The following BTAF1 variants were observed in gnomAD, a reference collection of about 807,000 sequenced individuals.
BTAF1 encodes the protein B-TFIID TATA-box binding protein associated factor 1, also known as TATA-binding protein-associated factor 172.
A neutral mutation model predicts 227.1 loss-of-function variants in BTAF1; 38 were observed. The observed-to-expected ratio is 0.17, with a 90% confidence interval of 0.13 to 0.22. The LOEUF (loss-of-function observed/expected upper bound fraction) is 0.22. BTAF1 is among the 10% of genes least tolerant of loss of function. The pLI is 1.00. For missense variants in BTAF1, 1,598 were observed against 2,204.0 expected (o/e 0.73, Z 5.51); for synonymous variants, 742 against 751.9 (o/e 0.99, Z 0.21).
chr10:92,021,896 A>G (rs1218264807), intron 34 of BTAF1, among the ~76,000 whole-genome samples: 1 of 152,226 alleles, frequency 6.6e-6, no homozygotes, highest in African/African-American at 2.4e-5. Flanking sequence ...TCAAAATGGT[A>G]AAACATCTAG....
At chr10:91,956,205 A>G (rs1846073991) in intron 6 of BTAF1, among the ~76,000 whole-genome samples, 1 of 152,190 alleles carries the variant, frequency 6.6e-6, no homozygotes, top group African/African-American at 2.4e-5. Flanking sequence ...TGCAGGTTAT[A>G]TGCAGGTTAT....
chr10:91,955,977 G>A (rs1846059116), intron 6 of BTAF1, among the ~76,000 whole-genome samples: 1 of 152,144 alleles, frequency 6.6e-6, no homozygotes. Context: ...AAAGTAGTTT[G>A]ACTTGTCCTC....
At chr10:91,983,061 A>G (rs142237113) in intron 18 of BTAF1, among the ~76,000 whole-genome samples, 1 of 152,346 alleles carries the variant, frequency 6.6e-6, no homozygotes, top group East Asian at 1.9e-4. Context: ...ATGTGAAAGT[A>G]GTCCAGAAAC....
At chr10:92,023,432 AATC>A (rs1440329008) in intron 34 of BTAF1, among the ~76,000 whole-genome samples, 1 of 152,138 alleles carries the variant, frequency 6.6e-6, no homozygotes, top group Non-Finnish European at 1.5e-5. Context: ...TCACGCCTGT[AATC>A]CCAGCACTTT....
intron 18 of BTAF1, among the ~76,000 whole-genome samples, chr10:91,983,686 C>G (rs1459862762): frequency 6.6e-6 from 1 of 152,176 alleles, no homozygotes; most frequent in African/African-American, 2.4e-5. Context: ...TCATGGCTCA[C>G]CACTGAGGCC....
At chr10:91,952,452 A>T (rs1845835651) in intron 5 of BTAF1, among the ~76,000 whole-genome samples, 1 of 152,146 alleles carries the variant, frequency 6.6e-6, no homozygotes, top group East Asian at 1.9e-4. Flanking sequence ...GTGAGATATT[A>T]CATCTCAAGC....
chr10:91,946,415 T>C (rs1845369659), intron 4 of BTAF1, among the ~76,000 whole-genome samples: 1 of 152,236 alleles, frequency 6.6e-6, no homozygotes, highest in Non-Finnish European at 1.5e-5. Context: ...AGTTTTTGTT[T>C]GGACATATGT....
chr10:91,981,402 T>C (rs1242311859), intron 15 of BTAF1, among the ~76,000 whole-genome samples: 3 of 152,202 alleles, frequency 2.0e-5, no homozygotes, highest in African/African-American at 7.2e-5. Context: ...AGGCATGTTT[T>C]TTTAAAAAGA....
At position 91,980,491 on chromosome 10, in the gene BTAF1, T is replaced by C. The variant is rs200555889; in HGVS notation, c.1688T>C (p.Met563Thr). ...TGGCTTATACCTATACTGCCTGATA[T>C]GCTCCGACACATTTTTCAGTTCTGT... ...SSWLIPILPD[M>T]LRHIFQFCVL... The change falls in exon 15 of 38, where the codon ATG becomes ACG. Residue 563 changes from methionine to threonine, a missense_variant. Met to Thr is a moderately conservative substitution (Grantham distance 81, BLOSUM62 -1). Around this residue, in one of 10 missense-constraint regions of BTAF1, gnomAD observed 318 missense variants for 435.0 expected, o/e 0.73. Transcript: ENST00000265990. 7.7e-5 allele frequency: 125 copies of C among 1,613,188 alleles called. No individual in the cohort carries two copies. The highest frequency in any genetic ancestry group is 1.5e-5 in the Non-Finnish European group (18 of 1,179,462).
intron 34 of BTAF1, among the ~76,000 whole-genome samples, chr10:92,022,937 G>A (rs1486686644): frequency 2.0e-5 from 3 of 152,134 alleles, no homozygotes; most frequent in Non-Finnish European, 4.4e-5. Flanking sequence ...AGGGCTGTTA[G>A]GTAGAAGAAT....
rs771940365 is a variant in BTAF1 at position 92,011,395 on chromosome 10, C to A, written c.4291C>A (p.Leu1431Ile). ...ACTGACTGCTAATTATAGGATTATT[C>A]TTTCTGGAACACCAATCCAGGTAAT... ...KQLTANYRIILSGTPIQNNVL... is the reference protein window; with the variant it reads ...KQLTANYRIIISGTPIQNNVL... The change falls in exon 30 of 38, where the codon CTT (leucine) becomes ATT (isoleucine). Residue 1431 changes from leucine (L) to isoleucine (I), a missense_variant. Around this residue, in one of 10 missense-constraint regions of BTAF1, gnomAD observed 184 missense variants for 341.1 expected, o/e 0.54. Transcript: ENST00000265990. The A allele has an allele frequency of 1.4e-6, 2 of 1,406,034 alleles. No homozygotes were observed. The highest frequency in any genetic ancestry group is 1.9e-6 in the Non-Finnish European group (2 of 1,072,282). 87.1% of individuals were successfully genotyped at this position (1,406,034 alleles called of 1,614,324 possible).
At position 91,960,313 on chromosome 10, in the gene BTAF1, G is replaced by A. The variant is rs531566327; in HGVS notation, c.1263+159G>A. Among the ~76,000 whole-genome samples, 19 of 152,246 alleles carry A rather than the reference G, an allele frequency of 1.2e-4. No individual in the cohort carries two copies. The South Asian group carries it at 3.5e-3, about 28-fold the overall frequency. ...AGAGAGTGTCATAGAGATAGGTGGC[G>A]CTCATAAGAATTTAAGTATAAATCA... On this transcript the variant is annotated intron_variant, in intron 11 of 37. Coordinates refer to ENST00000265990, the MANE Select transcript of BTAF1 (RefSeq NM_003972.3).
chr10:91,938,260 T>C (rs1344100995), intron 2 of BTAF1, among the ~76,000 whole-genome samples: 1 of 152,242 alleles, frequency 6.6e-6, no homozygotes, highest in Admixed American at 6.5e-5. Flanking sequence ...TTTGGAAATA[T>C]ACTCTTCTAT....
At chr10:91,956,430 T>G in intron 6 of BTAF1, 98 bp from the exon 7 acceptor site, 1 of 1,339,864 alleles carries the variant, frequency 7.5e-7, no homozygotes, top group Middle Eastern at 2.5e-4. Flanking sequence ...TGGATTATCT[T>G]AAATTCATTG....
In BTAF1 at chr10:91,960,004, T is replaced by C. The variant is rs1846391197; in HGVS notation, c.1113T>C (p.Cys371=). The change falls in exon 11 of 38, where the codon TGT becomes TGC. Residue 371 remains cysteine, a synonymous_variant. Coordinates refer to ENST00000265990, the MANE Select transcript of BTAF1 (RefSeq NM_003972.3). ...TTGTGGCACCAGTTCGTGAAACTTG[T>C]GCTCAAACATTAGGTGTGGTTTTAA... ...DEVVAPVRET[C]AQTLGVVLKH... The C allele has an allele frequency of 2.5e-6, 4 of 1,610,944 alleles. No individual in the cohort carries two copies. Among genetic ancestry groups the C allele is most frequent in the East Asian group, 4.5e-5 (2 of 44,760 alleles).
intron 4 of BTAF1, among the ~76,000 whole-genome samples, chr10:91,943,591 C>T (rs543345227): frequency 1.3e-5 from 2 of 152,118 alleles, no homozygotes; most frequent in South Asian, 2.1e-4. Flanking sequence ...CTCATTTCAT[C>T]TTGTTTAGTA....
At chr10:91,953,673 C>T in intron 5 of BTAF1, 64 bp from the exon 6 acceptor site, 2 of 1,545,914 alleles carry the variant, frequency 1.3e-6, no homozygotes, top group Non-Finnish European at 1.8e-6. Context: ...TCTTCTGAGG[C>T]TGAGACTATA....
rs1320257581 is a variant in BTAF1, at chr10:91,989,363, A to G, written c.2637A>G (p.Lys879=). The G allele has an allele frequency of 6.2e-7, 1 of 1,614,072 alleles. No individual in the cohort carries two copies. Among genetic ancestry groups the G allele is most frequent in the Non-Finnish European group, 8.5e-7 (1 of 1,180,048 alleles). ...CGGAGAAATTAAATCCTATCATAAA[A>G]CCATTAATGGAGACAATTAAAAAAG... ...QLPEKLNPII[K]PLMETIKKEE... The change falls in exon 20 of 38, where the codon AAA becomes AAG. Residue 879 remains lysine (K), a synonymous_variant. Coordinates refer to ENST00000265990, the MANE Select transcript of BTAF1 (RefSeq NM_003972.3).
intron 33 of BTAF1, among the ~76,000 whole-genome samples, chr10:92,018,397 A>C (rs780049208): frequency 1.3e-5 from 2 of 152,094 alleles, no homozygotes. Context: ...TTTTACACTC[A>C]CTGAAGTTTG....
Sources: gnomAD v4.1 joint callset for allele counts (sites outside exome capture counted in the v4.1 genomes callset) on GRCh38, gnomAD v4.1.1 for gene constraint, gnomAD v4.1.1 regional missense constraint, MANE v1.5 for transcripts, NCBI Gene and HGNC (gene_info 2026-07-23, HGNC 2026-07-21) for gene names.